Variants in XYLB observed in about 807,000 individuals in gnomAD.
The protein encoded by XYLB is xylulose kinase.
A neutral mutation model predicts 78.7 loss-of-function variants in XYLB; 62 were observed. The ratio of observed to expected loss-of-function variants is 0.79; its 90% CI spans 0.64 to 0.97. XYLB has a LOEUF of 0.97. Among genes scored for constraint, XYLB ranks in the 50% least tolerant of loss-of-function variants. XYLB has a pLI of 0.00. For missense variants in XYLB, 687 were observed against 676.8 expected (o/e 1.02, Z -0.17); for synonymous variants, 245 against 247.4 (o/e 0.99, Z 0.09).
chr3:38,363,161 C>G, intron 4 of XYLB, 144 bp downstream of exon 4: 1 of 558,918 alleles, frequency 1.8e-6, no homozygotes, highest in East Asian at 3.4e-5. Flanking sequence ...ATAAAAATCC[C>G]TACAACTATT....
At chr3:38,397,648 C>T (rs768107790) in intron 17 of XYLB, among the ~76,000 whole-genome samples, 6 of 152,046 alleles carry the variant, frequency 3.9e-5, no homozygotes, top group South Asian at 2.1e-4. Context: ...GGAAGCTCCC[C>T]GATCTAGGCG....
At chr3:38,412,887 A>C in intron 18 of XYLB, 49 bp from the exon 19 acceptor site, 2 of 1,504,290 alleles carry the variant, frequency 1.3e-6, no homozygotes, top group Non-Finnish European at 1.8e-6. Flanking sequence ...AACCAGATGT[A>C]AGAGGCATTT....
intron 13 of XYLB, among the ~76,000 whole-genome samples, 158 bp downstream of exon 13, chr3:38,376,390 G>A (rs1266383117): frequency 6.6e-6 from 1 of 152,178 alleles, no homozygotes; most frequent in Non-Finnish European, 1.5e-5. Flanking sequence ...CCTACAAGCT[G>A]GTGTGGAACC....
At position 38,346,790 on chromosome 3, in the gene XYLB, T is replaced by C. The variant is rs945434602; in HGVS notation, c.-79T>C. 87 of 1,399,200 alleles carry C rather than the reference T, an allele frequency of 6.2e-5. No homozygotes were observed. Among genetic ancestry groups the C allele is most frequent in the African/African-American group, 9.0e-5 (6 of 66,756 alleles). 86.7% of individuals were successfully genotyped at this position (1,399,200 alleles called of 1,614,324 possible). On this transcript the variant is annotated 5_prime_UTR_variant, in exon 1 of 19. Coordinates refer to ENST00000207870, the MANE Select transcript of XYLB (RefSeq NM_005108.4). ...AGCTAGGGGCGGGCCCCTGCGTCTCTGGGCGCTGGAGCGCGGCGACTATCA... is the reference window on the plus strand; with the variant it reads ...AGCTAGGGGCGGGCCCCTGCGTCTCCGGGCGCTGGAGCGCGGCGACTATCA...
At chr3:38,366,152 T>C (rs1706251595) in intron 6 of XYLB, among the ~76,000 whole-genome samples, 2 of 151,944 alleles carry the variant, frequency 1.3e-5, no homozygotes. Context: ...GTGTCTCTGT[T>C]CCACAGGTTC....
chr3:38,444,044 AG>A, the XYLB span, among the ~76,000 whole-genome samples: 4 of 152,280 alleles, frequency 2.6e-5, no homozygotes, highest in Non-Finnish European at 5.9e-5. Flanking sequence ...CTAAAATACC[AG>A]GTATCTCCAA....
intron 5 of XYLB, among the ~76,000 whole-genome samples, 157 bp from the exon 6 acceptor site, chr3:38,365,451 A>T (rs1706202416): frequency 6.6e-6 from 1 of 152,236 alleles, no homozygotes; most frequent in South Asian, 2.1e-4. Context: ...GCCAGTTCTA[A>T]GTTACAGCAC....
At chr3:38,348,819 C>T (rs1705209045) in intron 2 of XYLB, among the ~76,000 whole-genome samples, 187 bp downstream of exon 2, 1 of 152,128 alleles carries the variant, frequency 6.6e-6, no homozygotes, top group Non-Finnish European at 1.5e-5. Context: ...TTCCTAATTC[C>T]ATTCATCCAT....
rs568231794 is a variant in XYLB, at chr3:38,387,551, T to C, written c.1292-7954T>C. 1.2e-4 allele frequency among the ~76,000 whole-genome samples: 19 copies of C among 152,222 alleles called. No homozygotes were observed. In the South Asian group the frequency reaches 1.7e-3, roughly 13 times the overall value. ...ACATCTGGCTAATTTTTTGTATTTT[T>C]AGTAGAGATGGGGTTTCACCATGTT... On this transcript the variant is annotated intron_variant, in intron 15 of 18. Transcript: ENST00000207870.
At chr3:38,437,578 T>TA in the XYLB span, among the ~76,000 whole-genome samples, 2 of 152,110 alleles carry the variant, frequency 1.3e-5, no homozygotes, top group South Asian at 2.1e-4. Flanking sequence ...TTACAGGATA[T>TA]AAAAAAATTG....
intron 15 of XYLB, among the ~76,000 whole-genome samples, chr3:38,387,699 C>T (rs1707448777): frequency 6.6e-6 from 1 of 152,198 alleles, no homozygotes; most frequent in Admixed American, 6.6e-5. Context: ...TATCACACCT[C>T]TTTTTATTCA....
intron 15 of XYLB, 36 bp from the exon 16 acceptor site, chr3:38,395,469 G>C: frequency 6.2e-7 from 1 of 1,609,846 alleles, no homozygotes; most frequent in Admixed American, 1.7e-5. Flanking sequence ...TGGGAGAACT[G>C]GCATAGCTAT....
At chr3:38,402,758 A>G (rs1345754184) in intron 18 of XYLB, among the ~76,000 whole-genome samples, 1 of 152,146 alleles carries the variant, frequency 6.6e-6, no homozygotes, top group Non-Finnish European at 1.5e-5. Context: ...CTAATAGGAA[A>G]TCTGGGGGTA....
rs1285826222 is a variant in XYLB, at chr3:38,366,869, C to T, written c.569C>T (p.Thr190Met). 4 of 1,609,878 alleles carry T rather than the reference C, an allele frequency of 2.5e-6. No individual in the cohort carries two copies. The highest frequency in any genetic ancestry group is 2.7e-5 in the African/African-American group (2 of 74,968). Residue 190 changes from threonine to methionine, a missense_variant, in exon 7 of 19, where the codon ACG becomes ATG. Thr to Met is a moderately conservative substitution (Grantham distance 81). Transcript: ENST00000207870. The part of the protein sequence containing the change: ...YQQNPEAYSH[T>M]ERISLVSSFA... ...CAGAACCCCGAGGCCTACTCACATA[C>T]GGAGGTTGGTTAAATGTTCCTGTTT...
At chr3:38,371,178 T>C (rs1706536635) in intron 9 of XYLB, among the ~76,000 whole-genome samples, 1 of 152,116 alleles carries the variant, frequency 6.6e-6, no homozygotes, top group South Asian at 2.1e-4. Context: ...GGCATGATCA[T>C]AGCTACGGCA....
At chr3:38,430,944 T>G in the XYLB span, among the ~76,000 whole-genome samples, 1 of 152,240 alleles carries the variant, frequency 6.6e-6, no homozygotes, top group African/African-American at 2.4e-5. Flanking sequence ...ACCATCCTGT[T>G]TTGGCTACTG....
chr3:38,389,617 G>A (rs1707564288), intron 15 of XYLB, among the ~76,000 whole-genome samples: 1 of 151,542 alleles, frequency 6.6e-6, no homozygotes, highest in Admixed American at 6.6e-5. Flanking sequence ...GGCTGGCCGG[G>A]TTTTTTTTTG....
At chr3:38,347,747 A>G (rs1705148725) in intron 1 of XYLB, among the ~76,000 whole-genome samples, 1 of 152,116 alleles carries the variant, frequency 6.6e-6, no homozygotes, top group African/African-American at 2.4e-5. Context: ...CCCTTCGTTG[A>G]CACCAGCTTG....
intron 2 of XYLB, among the ~76,000 whole-genome samples, chr3:38,354,241 T>C (rs1705523097): frequency 6.6e-6 from 1 of 152,036 alleles, no homozygotes; most frequent in African/African-American, 2.4e-5. Context: ...CTAATTTTTG[T>C]ATTTTTAGTA....
Sources: gnomAD v4.1 joint callset for allele counts (sites outside exome capture counted in the v4.1 genomes callset) on GRCh38, gnomAD v4.1.1 for gene constraint, MANE v1.5 for transcripts, NCBI Gene and HGNC (gene_info 2026-07-23, HGNC 2026-07-21) for gene names.